TIMM23: variants seen among roughly 807,000 people sequenced by gnomAD.
TIMM23 encodes translocase of inner mitochondrial membrane 23, also known as mitochondrial import inner membrane translocase subunit Tim23.
Under a neutral mutation model 30.7 loss-of-function variants are expected in TIMM23, and 19 were observed. The ratio of observed to expected loss-of-function variants is 0.62; its 90% CI spans 0.43 to 0.91. The LOEUF (loss-of-function observed/expected upper bound fraction) is 0.91. Ranked by LOEUF, TIMM23 falls within the 40% of genes least tolerant of loss-of-function variation. The pLI, the probability that TIMM23 is intolerant of heterozygous loss-of-function variation, is 0.00. For missense variants in TIMM23, 202 were observed against 269.2 expected (o/e 0.75, Z 1.75); for synonymous variants, 78 against 98.5 (o/e 0.79, Z 1.23).
chr10:45,997,459 G>C (rs1258524418), intron 6 of TIMM23, among the ~76,000 whole-genome samples: 3 of 152,204 alleles, frequency 2.0e-5, no homozygotes, highest in African/African-American at 7.2e-5. Flanking sequence ...ATGGGGTGTA[G>C]TTATTGCTAA....
intron 2 of TIMM23, among the ~76,000 whole-genome samples, chr10:45,977,892 G>A (rs1194498497): frequency 5.3e-5 from 8 of 151,970 alleles, no homozygotes; most frequent in African/African-American, 1.7e-4. Flanking sequence ...TTAGCCAGGC[G>A]TGGTGCTGGG....
chr10:45,974,221 T>G (rs1223696023), intron 1 of TIMM23, among the ~76,000 whole-genome samples: 2 of 151,904 alleles, frequency 1.3e-5, no homozygotes, highest in African/African-American at 4.8e-5. Flanking sequence ...TACATAATAC[T>G]GAGGTAAACC....
At chr10:45,982,756 A>G in intron 3 of TIMM23, 90 bp from the exon 4 acceptor site, 1 of 1,582,448 alleles carries the variant, frequency 6.3e-7, no homozygotes, top group East Asian at 2.2e-5. Context: ...ATAAAAATGA[A>G]AAAGAATCAG....
intron 6 of TIMM23, among the ~76,000 whole-genome samples, chr10:45,996,807 T>A (rs1323492990): frequency 1.3e-5 from 2 of 151,470 alleles, no homozygotes; most frequent in African/African-American, 4.9e-5. Context: ...ACCCTGTCTA[T>A]ACAAAAAATT....
chr10:45,994,732 G>A lies in TIMM23; in HGVS notation c.514+5885G>A, dbSNP rs1222790160. On this transcript the variant is annotated intron_variant, in intron 6 of 6. Coordinates refer to ENST00000580018, the MANE Select transcript of TIMM23 (RefSeq NM_006327.4). ...ATTGGGATTACAGGTGTGAACCACC[G>A]CGCCCGGCCCCCTCTTTTTTTAAAT... Among the ~76,000 whole-genome samples, 328 of 147,268 alleles carry A rather than the reference G, an allele frequency of 2.2e-3. 2 individuals are homozygous for A. Among genetic ancestry groups the A allele is most frequent in the African/African-American group, 7.7e-3 (308 of 39,842 alleles).
At chr10:45,978,296 A>G (rs1420095561) in intron 2 of TIMM23, among the ~76,000 whole-genome samples, 1 of 152,168 alleles carries the variant, frequency 6.6e-6, no homozygotes, top group African/African-American at 2.4e-5. Flanking sequence ...AAGTCTCAGC[A>G]TAATCAAACC....
At position 45,982,523 on chromosome 10, in the gene TIMM23, G is replaced by C; in HGVS notation, c.166G>C (p.Asp56His). The C allele has an allele frequency of 6.2e-7, 1 of 1,613,880 alleles. No homozygotes were observed. The highest frequency in any genetic ancestry group is 8.5e-7 in the Non-Finnish European group (1 of 1,179,826). ...LNVDPRYLVQ[D>H]TDEFILPTGA... ...TTGGTTTTCATTATTATCCTTTTAG[G>C]ATACAGATGAGTTTATTTTACCTAC... The change falls in exon 3 of 7, where the codon GAT (aspartate) becomes CAT (histidine). Residue 56 changes from aspartate to histidine, a missense_variant and splice_region_variant. By Grantham distance (81) the Asp-to-His change is moderately conservative (BLOSUM62 -1). Transcript: ENST00000580018.
chr10:45,990,612 G>A, intron 6 of TIMM23: 1 of 381,364 alleles, frequency 2.6e-6, no homozygotes, highest in Non-Finnish European at 5.0e-6. Context: ...TATCGGAGAT[G>A]GGGTCTCACT....
At chr10:46,001,569 T>C (rs1838538618) in intron 6 of TIMM23, among the ~76,000 whole-genome samples, 1 of 152,132 alleles carries the variant, frequency 6.6e-6, no homozygotes, top group Non-Finnish European at 1.5e-5. Flanking sequence ...TTCTGAAATG[T>C]TGTAACTCAG....
At chr10:46,002,747 C>T (rs1243066698) in intron 6 of TIMM23, among the ~76,000 whole-genome samples, 3 of 150,564 alleles carry the variant, frequency 2.0e-5, no homozygotes, top group Non-Finnish European at 2.9e-5. Context: ...ACTTTAAAAA[C>T]GTTGTCTCCT....
rs1838072551 is a variant in TIMM23 at position 45,988,763 on chromosome 10, A to G, written c.430A>G (p.Ile144Val). The G allele has an allele frequency of 5.6e-6, 9 of 1,613,846 alleles. No individual in the cohort carries two copies. The highest frequency in any genetic ancestry group is 1.7e-5 in the Admixed American group (1 of 60,016). ...LALLYSAFGV[I>V]IEKTRGAEDD... ...TTTGCTCTATAGTGCATTTGGTGTC[A>G]TCATTGAGAAAACACGAGGTGCAGA... is the stretch of plus-strand genomic sequence containing the variant. Residue 144 changes from isoleucine (I) to valine (V), a missense_variant, in exon 6 of 7, where the codon ATC becomes GTC. Ile to Val is a conservative substitution (Grantham distance 29). Transcript: ENST00000580018.
At position 45,982,607 on chromosome 10, in the gene TIMM23, T is replaced by C; in HGVS notation, c.250T>C (p.Cys84Arg). Residue 84 changes from cysteine (C) to arginine (R), a missense_variant, in exon 3 of 7, where the codon TGC becomes CGC. Coordinates refer to ENST00000580018, the MANE Select transcript of TIMM23 (RefSeq NM_006327.4). Reference sequence around the variant, plus strand: ...GGCCTTCTTTACGATTGGAGGATGTTGCATGACAGGTGAGTGTTACATACT... The same window carrying C: ...GGCCTTCTTTACGATTGGAGGATGTCGCATGACAGGTGAGTGTTACATACT... ...ELAFFTIGGC[C>R]MTGAAFGAMN... The C allele has an allele frequency of 6.2e-7, 1 of 1,613,930 alleles. No homozygotes were observed. The highest frequency in any genetic ancestry group is 8.5e-7 in the Non-Finnish European group (1 of 1,179,856).
chr10:45,984,229 C>T (rs1369122939), intron 4 of TIMM23, among the ~76,000 whole-genome samples: 1 of 152,102 alleles, frequency 6.6e-6, no homozygotes, highest in African/African-American at 2.4e-5. Context: ...TGAACCATAA[C>T]GCATCCTCAA....
chr10:45,973,347 C>T (rs1459254921), intron 1 of TIMM23, among the ~76,000 whole-genome samples: 1 of 152,158 alleles, frequency 6.6e-6, no homozygotes, highest in African/African-American at 2.4e-5. Context: ...CTTTGCCTCT[C>T]CTCGGTCTTG....
intron 4 of TIMM23, 42 bp downstream of exon 4, chr10:45,982,972 T>C: frequency 3.1e-6 from 5 of 1,613,096 alleles, no homozygotes; most frequent in Non-Finnish European, 4.2e-6. Flanking sequence ...TACTTGAATA[T>C]TAAGCTCTGT....
At chr10:45,984,259 G>A (rs1837937208) in intron 4 of TIMM23, among the ~76,000 whole-genome samples, 1 of 152,112 alleles carries the variant, frequency 6.6e-6, no homozygotes, top group Non-Finnish European at 1.5e-5. Flanking sequence ...ACCATGGCCA[G>A]TTCTATCCCA....
At position 45,988,752 on chromosome 10, in the gene TIMM23, C is replaced by T; in HGVS notation, c.419C>T (p.Ala140Val). The change falls in exon 6 of 7, where the codon GCA becomes GTA. Residue 140 changes from alanine (A) to valine (V), a missense_variant. Ala to Val is a moderately conservative substitution (Grantham distance 64, BLOSUM62 0). Coordinates refer to ENST00000580018, the MANE Select transcript of TIMM23 (RefSeq NM_006327.4). ...TLGSLALLYSAFGVIIEKTRG... is the reference protein window; with the variant it reads ...TLGSLALLYSVFGVIIEKTRG... ...TCCTCTTTAGCTTTGCTCTATAGTG[C>T]ATTTGGTGTCATCATTGAGAAAACA... 6.2e-7 allele frequency: 1 copy of T among 1,613,856 alleles called. No homozygotes were observed. Among genetic ancestry groups the T allele is most frequent in the East Asian group, 2.2e-5 (1 of 44,874 alleles).
chr10:45,991,401 A>G (rs1459656851), intron 6 of TIMM23, among the ~76,000 whole-genome samples: 5 of 152,234 alleles, frequency 3.3e-5, no homozygotes, highest in African/African-American at 7.2e-5. Flanking sequence ...CCTGAAGTCA[A>G]AATGGTCCAG....
chr10:45,975,568 C>G lies in TIMM23; in HGVS notation c.165+56C>G, dbSNP rs587646404. The G allele has an allele frequency of 1.9e-4, 311 of 1,607,474 alleles. 4 individuals carry two copies. The South Asian group carries it at 3.2e-3, about 17-fold the overall frequency. On this transcript the variant is annotated intron_variant, in intron 2 of 6. Transcript: ENST00000580018. Reference sequence around the variant, plus strand: ...TTATTTTACCATTTTAAAAAAAACGCCAAGTGCTATGCTGACTTGAACTAT... The same window carrying G: ...TTATTTTACCATTTTAAAAAAAACGGCAAGTGCTATGCTGACTTGAACTAT...
Sources: gnomAD v4.1 joint callset for allele counts (sites outside exome capture counted in the v4.1 genomes callset) on GRCh38, gnomAD v4.1.1 for gene constraint, MANE v1.5 for transcripts, NCBI Gene and HGNC (gene_info 2026-07-23, HGNC 2026-07-21) for gene names.